RBM19: variants seen among roughly 807,000 people sequenced by gnomAD.
The protein encoded by RBM19 is RNA binding motif protein 19.
Under a neutral mutation model 116.8 loss-of-function variants are expected in RBM19, and 94 were observed. That is an observed-to-expected ratio of 0.80 (90% confidence interval 0.68 to 0.95). The LOEUF (loss-of-function observed/expected upper bound fraction) is 0.95. Ranked by LOEUF, RBM19 falls within the 40% of genes least tolerant of loss-of-function variation. The probability of loss-of-function intolerance (pLI) is 0.00; values close to 1 mark genes in which losing one functional copy is unlikely to be tolerated. For synonymous variants in RBM19, 475 were observed against 494.1 expected (o/e 0.96, Z 0.51); for missense variants, 1,161 against 1,220.7 (o/e 0.95, Z 0.73).
At chr12:113,868,023 C>T (rs2135758594) in intron 21 of RBM19, among the ~76,000 whole-genome samples, 1 of 152,326 alleles carries the variant, frequency 6.6e-6, no homozygotes, top group South Asian at 2.1e-4. Flanking sequence ...TGTTCCATCG[C>T]AGGCACCTTC....
Position 113,950,150 on chromosome 12 carries a change from G to T in RBM19, c.1005C>A (p.Tyr335Ter), listed in dbSNP as rs1221669168. Residue 335 changes from tyrosine to a stop codon, truncating the protein, a stop_gained, in exon 9 of 24, where the codon TAC becomes TAA. Transcript: ENST00000261741. LOFTEE classifies it high-confidence loss of function. ...VRNAHGNKTG[Y>*]IFVDFSNEEE... ...CTTCATTGCTGAAATCCACAAAGAT[G>T]TATCCTGACAGAGGACAATGACAGA... 1.2e-6 allele frequency: 2 copies of T among 1,607,704 alleles called. No homozygotes were observed. Among genetic ancestry groups the T allele is most frequent in the Admixed American group, 1.7e-5 (1 of 59,916 alleles).
chr12:113,957,591 A>AATAAG (rs1872059790), intron 6 of RBM19, among the ~76,000 whole-genome samples, 191 bp downstream of exon 6: 1 of 152,138 alleles, frequency 6.6e-6, no homozygotes, highest in South Asian at 2.1e-4. Flanking sequence ...AATAAAATAA[A>AATAAG]AATAAAAACA....
At position 113,898,066 on chromosome 12, in the gene RBM19, T is replaced by C. The variant is rs1881458122; in HGVS notation, c.2558+16903A>G. On this transcript the variant is annotated intron_variant, in intron 21 of 23. Coordinates refer to ENST00000261741, the MANE Select transcript of RBM19 (RefSeq NM_016196.4). The surrounding 1 kb of genome is among the most constrained non-coding windows in gnomAD (Gnocchi z 4.3). The stretch of plus-strand genomic sequence containing the variant: ...TGGGAAAAAGATCTACAGGTCTAAG[T>C]GAACCTGACAGGTATCCTGGAACCT... Among the ~76,000 whole-genome samples, 1 of 152,212 alleles carries C rather than the reference T, an allele frequency of 6.6e-6. No individual in the cohort carries two copies. The highest frequency in any genetic ancestry group is 2.4e-5 in the African/African-American group (1 of 41,452).
At chr12:113,867,853 C>T (rs1451143982) in intron 21 of RBM19, among the ~76,000 whole-genome samples, 2 of 152,038 alleles carry the variant, frequency 1.3e-5, no homozygotes, top group African/African-American at 2.4e-5. Context: ...TGCTTGAACC[C>T]GGAAGGTGGA....
chr12:113,875,941 G>A (rs1366888861), intron 21 of RBM19, among the ~76,000 whole-genome samples: 2 of 152,106 alleles, frequency 1.3e-5, no homozygotes, highest in African/African-American at 4.8e-5. Flanking sequence ...CATTCCATTT[G>A]GAAGATGGGG....
chr12:113,818,766 C>T (rs1434295320), downstream of RBM19, among the ~76,000 whole-genome samples: 1 of 152,176 alleles, frequency 6.6e-6, no homozygotes, highest in Non-Finnish European at 1.5e-5. Flanking sequence ...GGAGTCAGGG[C>T]CTGTGCATTC....
At chr12:113,841,825 T>C (rs542500029) in intron 23 of RBM19, among the ~76,000 whole-genome samples, 13 of 152,338 alleles carry the variant, frequency 8.5e-5, no homozygotes, top group African/African-American at 2.9e-4. Flanking sequence ...GTCTGAGCTC[T>C]GCCACTTCCT....
At chr12:113,830,570 C>CGGGGGGG (rs869235673) in intron 23 of RBM19, among the ~76,000 whole-genome samples, 10 of 7,838 alleles carry the variant, frequency 1.3e-3, no homozygotes, top group Admixed American at 3.0e-3. Flanking sequence ...GCTAGGGCTG[C>CGGGGGGG]GGGGCGGGGG....
At chr12:113,866,349 C>T (rs909951190) in intron 21 of RBM19, among the ~76,000 whole-genome samples, 3 of 152,162 alleles carry the variant, frequency 2.0e-5, no homozygotes, top group Admixed American at 2.0e-4. Context: ...TAGCTTTTCT[C>T]AATAGCGTTT....
At chr12:113,939,336 T>A (rs369838298) in intron 15 of RBM19, among the ~76,000 whole-genome samples, 1 of 151,636 alleles carries the variant, frequency 6.6e-6, no homozygotes, top group Non-Finnish European at 1.5e-5. Context: ...TTCAAAAAAA[T>A]AATGAACACA....
At chr12:113,920,503 T>A (rs915015584) in intron 19 of RBM19, 108 bp downstream of exon 19, 49 of 1,021,056 alleles carry the variant, frequency 4.8e-5, no homozygotes, top group Non-Finnish European at 7.3e-5. Context: ...ATGGGCCCGG[T>A]CAAGTGTAGA....
intron 13 of RBM19, among the ~76,000 whole-genome samples, chr12:113,945,145 G>A (rs547407327): frequency 6.6e-6 from 1 of 152,286 alleles, no homozygotes; most frequent in African/African-American, 2.4e-5. Context: ...GGGCAAGTGT[G>A]AGATGATGGA....
intron 23 of RBM19, among the ~76,000 whole-genome samples, chr12:113,836,522 C>G (rs1022224902): frequency 9.9e-5 from 15 of 152,124 alleles, no homozygotes; most frequent in African/African-American, 3.6e-4. Flanking sequence ...GGGTTTACAA[C>G]AAGTTTCTTT....
At chr12:113,875,039 CAGG>C (rs1464183301) in intron 21 of RBM19, among the ~76,000 whole-genome samples, 5 of 152,340 alleles carry the variant, frequency 3.3e-5, no homozygotes, top group African/African-American at 1.2e-4. Context: ...TACTGTCAAC[CAGG>C]AGATGACAGC....
intron 23 of RBM19, among the ~76,000 whole-genome samples, chr12:113,830,086 G>T (rs549130905): frequency 6.6e-6 from 1 of 152,200 alleles, no homozygotes; most frequent in South Asian, 2.1e-4. Context: ...AGGACCTTGA[G>T]CTCAGATAGG....
intron 14 of RBM19, among the ~76,000 whole-genome samples, chr12:113,940,426 AGCAGGGCC>A (rs1432298936): frequency 9.2e-5 from 14 of 152,332 alleles, no homozygotes; most frequent in African/African-American, 2.4e-4. Context: ...TCCACTCCTG[AGCAGGGCC>A]GCACTTTCCA....
At chr12:113,844,273 C>A (rs922822823) in intron 23 of RBM19, among the ~76,000 whole-genome samples, 5 of 152,156 alleles carry the variant, frequency 3.3e-5, no homozygotes, top group African/African-American at 1.2e-4. Flanking sequence ...CCGTGAGCAT[C>A]CCTGCCCTGC....
chr12:113,834,564 G>A (rs1177720780), intron 23 of RBM19, among the ~76,000 whole-genome samples: 2 of 152,222 alleles, frequency 1.3e-5, no homozygotes, highest in Admixed American at 6.5e-5. Flanking sequence ...CCTTGCAGGG[G>A]AAGAAAGTAG....
At chr12:113,863,113 T>C (rs1263516216) in intron 21 of RBM19, among the ~76,000 whole-genome samples, 1 of 151,828 alleles carries the variant, frequency 6.6e-6, no homozygotes, top group Admixed American at 6.6e-5. Flanking sequence ...TCCGAGGTGT[T>C]GCATGAGGCA....
Sources: gnomAD v4.1 joint callset for allele counts (sites outside exome capture counted in the v4.1 genomes callset) on GRCh38, gnomAD v4.1.1 for gene constraint, Gnocchi (gnomAD v3.1) non-coding constraint, MANE v1.5 for transcripts, NCBI Gene and HGNC (gene_info 2026-07-23, HGNC 2026-07-21) for gene names.